The following NEK7 variants were observed in gnomAD, a reference collection of about 807,000 sequenced individuals.
NEK7 encodes serine/threonine-protein kinase Nek7.
NEK7 carries 18 observed loss-of-function variants against 44.6 expected under a neutral mutation model. The observed-to-expected ratio is 0.40, with a 90% CI of 0.28 to 0.60. The LOEUF (loss-of-function observed/expected upper bound fraction) is 0.60, where lower values mean the gene tolerates loss of function less well. Ranked by LOEUF, NEK7 falls within the 20% of genes least tolerant of loss-of-function variation. NEK7 has a pLI of 0.38. For synonymous variants in NEK7, 130 were observed against 121.1 expected (o/e 1.07, Z -0.48); for missense variants, 256 against 366.5 (o/e 0.70, Z 2.46).
chr1:198,202,087 A>G (rs192376604), intron 1 of NEK7, among the ~76,000 whole-genome samples: 12 of 152,252 alleles, frequency 7.9e-5, no homozygotes, highest in African/African-American at 2.9e-4. Flanking sequence ...GGCTTTACCT[A>G]AAAAGTCAGA....
chr1:198,293,033 A>C lies in NEK7; in HGVS notation c.678A>C (p.Leu226=). 6.6e-7 allele frequency: 1 copy of C among 1,506,838 alleles called. No individual in the cohort carries two copies. Among genetic ancestry groups the C allele is most frequent in the Non-Finnish European group, 9.2e-7 (1 of 1,083,054 alleles). 93.3% of individuals were successfully genotyped at this position (1,506,838 alleles called of 1,614,324 possible). A position where few individuals can be genotyped will look rare whatever the true frequency, so the allele number is the denominator to read the frequency against. ...KSDIWSLGCL[L]YEMAALQSPF... is the part of the protein sequence containing the mutation. Reference sequence around the variant, plus strand: ...ACATCTGGTCTCTTGGCTGTCTACTATATGAGGTAGGTAATGTTGATAAAT... The same window carrying C: ...ACATCTGGTCTCTTGGCTGTCTACTCTATGAGGTAGGTAATGTTGATAAAT... Residue 226 remains leucine (L), a synonymous_variant, in exon 8 of 10, where the codon CTA becomes CTC. Coordinates refer to ENST00000367385, the MANE Select transcript of NEK7 (RefSeq NM_133494.3).
chr1:198,283,037 G>T (rs1464845647), intron 7 of NEK7, among the ~76,000 whole-genome samples: 1 of 152,094 alleles, frequency 6.6e-6, no homozygotes, highest in Admixed American at 6.6e-5. Context: ...GAGATGTAAA[G>T]GATATAAAAG....
chr1:198,253,256 A>G, intron 3 of NEK7, 76 bp downstream of exon 3: 7 of 966,068 alleles, frequency 7.2e-6, no homozygotes, highest in Non-Finnish European at 1.1e-5. Context: ...TATATCCTGA[A>G]TGATTGGGTA....
At chr1:198,301,918 G>A (rs547565603) in intron 9 of NEK7, among the ~76,000 whole-genome samples, 127 of 152,288 alleles carry the variant, frequency 8.3e-4, no homozygotes, top group South Asian at 4.6e-3. Context: ...ACTATTGAAG[G>A]ATACAATATT....
chr1:198,319,775 G>T lies in NEK7; in HGVS notation c.*253G>T. The T allele has an allele frequency of 3.1e-6, 1 of 321,504 alleles. No homozygotes were observed. The highest frequency in any genetic ancestry group is 5.7e-6 in the Non-Finnish European group (1 of 175,502). The allele number at this position is 321,504 out of a possible 1,614,324, so 19.9% of individuals were successfully genotyped here. On this transcript the variant is annotated 3_prime_UTR_variant, in exon 10 of 10. Coordinates refer to ENST00000367385, the MANE Select transcript of NEK7 (RefSeq NM_133494.3). ...AACATGATGGTTTTGAATGGCTAAA[G>T]GTTTATAGAATTTCTTACAGTTTTC...
At chr1:198,294,210 T>TCATAC (rs751964579) in intron 8 of NEK7, among the ~76,000 whole-genome samples, 6 of 151,976 alleles carry the variant, frequency 3.9e-5, no homozygotes, top group Admixed American at 1.3e-4. Context: ...TTAAATAAAC[T>TCATAC]CATACTTTGG....
At chr1:198,209,421 A>G (rs1469561820) in intron 1 of NEK7, among the ~76,000 whole-genome samples, 1 of 152,198 alleles carries the variant, frequency 6.6e-6, no homozygotes, top group African/African-American at 2.4e-5. Context: ...CTGTAGGGAT[A>G]AAGTGATACA....
intron 1 of NEK7, among the ~76,000 whole-genome samples, chr1:198,179,198 T>G (rs1664688733): frequency 6.6e-6 from 1 of 152,118 alleles, no homozygotes; most frequent in Admixed American, 6.6e-5. Flanking sequence ...CCTTGCATTT[T>G]TAGGCATTCT....
chr1:198,276,512 A>G (rs1392906220), intron 5 of NEK7, among the ~76,000 whole-genome samples: 1 of 151,672 alleles, frequency 6.6e-6, no homozygotes, highest in Non-Finnish European at 1.5e-5. Context: ...CCCCCTTTGA[A>G]TGAAAACTGA....
intron 1 of NEK7, among the ~76,000 whole-genome samples, chr1:198,205,810 A>T (rs1161255404): frequency 1.3e-5 from 2 of 152,188 alleles, no homozygotes; most frequent in Non-Finnish European, 2.9e-5. Context: ...AAAGATAAGT[A>T]AAAAGGCAGC....
intron 1 of NEK7, among the ~76,000 whole-genome samples, chr1:198,168,300 T>G (rs1348778273): frequency 1.3e-5 from 2 of 152,200 alleles, no homozygotes; most frequent in South Asian, 2.1e-4. Flanking sequence ...ATAAGAAGCA[T>G]GGGCTGTAAT....
chr1:198,164,293 G>A (rs1664200139), intron 1 of NEK7, among the ~76,000 whole-genome samples: 1 of 152,172 alleles, frequency 6.6e-6, no homozygotes, highest in African/African-American at 2.4e-5. Context: ...TGCCTCTTCT[G>A]TGATCAGAAG....
At chr1:198,269,229 T>C (rs958422728) in intron 5 of NEK7, among the ~76,000 whole-genome samples, 1 of 152,116 alleles carries the variant, frequency 6.6e-6, no homozygotes, top group Non-Finnish European at 1.5e-5. Flanking sequence ...AAGTTGGTTG[T>C]TTTACTTCTA....
intron 9 of NEK7, among the ~76,000 whole-genome samples, chr1:198,318,529 C>G (rs999033219): frequency 1.3e-5 from 2 of 152,076 alleles, no homozygotes; most frequent in African/African-American, 4.8e-5. Flanking sequence ...ATATCGTGGC[C>G]AGAGTTAATG....
At position 198,240,618 on chromosome 1, in the gene NEK7, G is replaced by C. The variant is rs1364268232; in HGVS notation, c.57+7981G>C. Among the ~76,000 whole-genome samples, 8 of 151,886 alleles carry C rather than the reference G, an allele frequency of 5.3e-5. No homozygotes were observed. In the South Asian group the frequency reaches 1.7e-3, roughly 32 times the overall value. On this transcript the variant is annotated intron_variant, in intron 2 of 9. Transcript: ENST00000367385. ...TTCTTTAGACCCAAGTGTTTACTTGGTTTTGAATAAAGTACATAGTCTTGG... is the reference window on the plus strand; with the variant it reads ...TTCTTTAGACCCAAGTGTTTACTTGCTTTTGAATAAAGTACATAGTCTTGG...
At chr1:198,248,609 G>C (rs899201564) in intron 2 of NEK7, among the ~76,000 whole-genome samples, 1 of 152,058 alleles carries the variant, frequency 6.6e-6, no homozygotes, top group African/African-American at 2.4e-5. Flanking sequence ...TTAATGATGC[G>C]GTAGTAAACT....
Position 198,197,666 on chromosome 1 carries a change from G to T in NEK7, c.-28-34887G>T, listed in dbSNP as rs1034385941. ...CTGAACAGCAGGGTTAGGCTCAGGT[G>T]GGGGTAGGGGTGGGGAGCCCAAGGG... is the stretch of plus-strand genomic sequence containing the variant. On this transcript the variant is annotated intron_variant, in intron 1 of 9. Coordinates refer to ENST00000367385, the MANE Select transcript of NEK7 (RefSeq NM_133494.3). 1.9e-5 allele frequency: 7 copies of T among 362,352 alleles called. No individual in the cohort carries two copies. In the East Asian group the frequency reaches 4.7e-4, roughly 25 times the overall value. 22.4% of individuals were successfully genotyped at this position (362,352 alleles called of 1,614,324 possible).
intron 1 of NEK7, among the ~76,000 whole-genome samples, chr1:198,224,379 A>T (rs1666152654): frequency 1.3e-5 from 2 of 152,214 alleles, no homozygotes; most frequent in Admixed American, 1.3e-4. Flanking sequence ...GCAATAGGTT[A>T]TACCATATAG....
chr1:198,193,295 T>C (rs1385864451), intron 1 of NEK7, among the ~76,000 whole-genome samples: 1 of 151,964 alleles, frequency 6.6e-6, no homozygotes, highest in Non-Finnish European at 1.5e-5. Flanking sequence ...TAACGAGTTC[T>C]GAAATTGAGG....
Sources: gnomAD v4.1 joint callset for allele counts (sites outside exome capture counted in the v4.1 genomes callset) on GRCh38, gnomAD v4.1.1 for gene constraint, MANE v1.5 for transcripts, NCBI Gene and HGNC (gene_info 2026-07-23, HGNC 2026-07-21) for gene names.